ANAPC10: variants seen among roughly 807,000 people sequenced by gnomAD.
ANAPC10 encodes anaphase-promoting complex subunit 10.
A neutral mutation model predicts 22.0 loss-of-function variants in ANAPC10; 12 were observed. That is an observed-to-expected ratio of 0.55 (90% CI 0.35 to 0.88). The LOEUF (loss-of-function observed/expected upper bound fraction) is 0.88. Ranked by LOEUF, ANAPC10 falls within the 40% of genes least tolerant of loss-of-function variation. The pLI is 0.01. For missense variants in ANAPC10, 188 were observed against 220.9 expected, an observed-to-expected ratio of 0.85 and a Z score of 0.94; for synonymous variants, 65 against 69.5, an observed-to-expected ratio of 0.94 and a Z score of 0.32.
At chr4:145,079,879 C>G (rs1342905736) in intron 3 of ANAPC10, among the ~76,000 whole-genome samples, 1 of 151,942 alleles carries the variant, frequency 6.6e-6, no homozygotes, top group African/African-American at 2.4e-5. Flanking sequence ...TTTGGGAGGC[C>G]GAGGCGGCTA....
chr4:145,055,368 C>T (rs866726340), intron 4 of ANAPC10, among the ~76,000 whole-genome samples: 51 of 152,066 alleles, frequency 3.4e-4, no homozygotes, highest in African/African-American at 1.0e-3. Context: ...GACTAGCCTG[C>T]CCAAAATGGT....
At chr4:145,054,595 A>T (rs1741662575) in intron 4 of ANAPC10, among the ~76,000 whole-genome samples, 1 of 139,718 alleles carries the variant, frequency 7.2e-6, no homozygotes, top group Non-Finnish European at 1.5e-5. Flanking sequence ...ATGAGGGGAC[A>T]TACTGAATAG....
At chr4:145,085,310 T>C (rs2126617444) in intron 2 of ANAPC10, among the ~76,000 whole-genome samples, 1 of 152,288 alleles carries the variant, frequency 6.6e-6, no homozygotes, top group South Asian at 2.1e-4. Context: ...TAAAGAGTTA[T>C]AGGTCTTAAC....
At chr4:145,053,639 C>A (rs1032313711) in intron 4 of ANAPC10, 3 of 455,168 alleles carry the variant, frequency 6.6e-6, no homozygotes, top group Admixed American at 4.0e-5. Context: ...AGGAAGAATT[C>A]TCTTAATTCC....
chr4:145,003,411 G>A (rs976399953), intron 4 of ANAPC10, among the ~76,000 whole-genome samples: 1 of 152,084 alleles, frequency 6.6e-6, no homozygotes, highest in Non-Finnish European at 1.5e-5. Context: ...GGAATTTGTG[G>A]GTGAAATGGT....
intron 3 of ANAPC10, among the ~76,000 whole-genome samples, chr4:145,079,938 A>G (rs565003109): frequency 1.3e-5 from 2 of 152,052 alleles, no homozygotes; most frequent in African/African-American, 4.8e-5. Context: ...ACATGGTGAA[A>G]CCTTGTCTCT....
chr4:145,028,465 A>G (rs1321508150), intron 4 of ANAPC10, among the ~76,000 whole-genome samples: 2 of 152,102 alleles, frequency 1.3e-5, no homozygotes, highest in African/African-American at 4.8e-5. Flanking sequence ...TAAGAAACTC[A>G]TATCATATAT....
At chr4:145,016,753 G>T in intron 4 of ANAPC10, among the ~76,000 whole-genome samples, 1 of 152,158 alleles carries the variant, frequency 6.6e-6, no homozygotes, top group East Asian at 1.9e-4. Context: ...AAACAGCATG[G>T]TACTGGTACC....
At chr4:145,070,587 G>A (rs140758408) in intron 3 of ANAPC10, among the ~76,000 whole-genome samples, 8 of 152,276 alleles carry the variant, frequency 5.3e-5, no homozygotes, top group Admixed American at 4.6e-4. Context: ...ACAGTATGGA[G>A]GTGACTCAAA....
intron 4 of ANAPC10, among the ~76,000 whole-genome samples, chr4:145,048,784 T>C (rs1740687900): frequency 6.6e-6 from 1 of 152,152 alleles, no homozygotes; most frequent in Non-Finnish European, 1.5e-5. Context: ...GGAGGAATAG[T>C]CCAAAGATAC....
chr4:145,022,686 T>C (rs1736122918), intron 4 of ANAPC10, among the ~76,000 whole-genome samples: 1 of 151,870 alleles, frequency 6.6e-6, no homozygotes, highest in African/African-American at 2.4e-5. Flanking sequence ...TATATAGGCA[T>C]TCATATATAG....
chr4:145,097,642 G>T (rs1748782430), intron 1 of ANAPC10: 1 of 701,240 alleles, frequency 1.4e-6, no homozygotes, highest in Non-Finnish European at 2.2e-6. Context: ...TTTACTGAAT[G>T]AATAAACAGA....
At chr4:145,029,426 A>G (rs1184117846) in intron 4 of ANAPC10, among the ~76,000 whole-genome samples, 1 of 152,146 alleles carries the variant, frequency 6.6e-6, no homozygotes, top group Non-Finnish European at 1.5e-5. Context: ...GGTGAAGTTG[A>G]GAGTGTGATC....
In ANAPC10 at chr4:144,995,340, G is replaced by T; in HGVS notation, c.*33C>A. 1.4e-6 allele frequency: 2 copies of T among 1,386,814 alleles called. No homozygotes were observed. Among genetic ancestry groups the T allele is most frequent in the Non-Finnish European group, 1.0e-6 (1 of 984,200 alleles). 85.9% of individuals were successfully genotyped at this position (1,386,814 alleles called of 1,614,324 possible). A position where few individuals can be genotyped will look rare whatever the true frequency, so the allele number is the denominator to read the frequency against. ...TTATTTAAATACAGGATAAAACAAA[G>T]ATACGTTTAATGATTTTCGTCTCAT... On this transcript the variant is annotated 3_prime_UTR_variant, in exon 5 of 5. Coordinates refer to ENST00000507656, the MANE Select transcript of ANAPC10 (RefSeq NM_001256706.2).
At chr4:145,057,033 A>G (rs544316708) in intron 4 of ANAPC10, among the ~76,000 whole-genome samples, 70 of 152,228 alleles carry the variant, frequency 4.6e-4, no homozygotes, top group Non-Finnish European at 8.7e-4. Context: ...ACCTTACAGG[A>G]CAATGCTCTT....
chr4:145,023,528 G>T (rs971024839), intron 4 of ANAPC10, among the ~76,000 whole-genome samples: 1 of 152,118 alleles, frequency 6.6e-6, no homozygotes, highest in African/African-American at 2.4e-5. Context: ...TTCTCTCGGG[G>T]AAGGCCCCTG....
Position 145,036,521 on chromosome 4 carries a change from AT to A in ANAPC10, c.327+28050del, listed in dbSNP as rs34873936. 9.8e-3 allele frequency among the ~76,000 whole-genome samples: 1,483 copies of A among 151,924 alleles called. 104 individuals carry two copies. Among genetic ancestry groups the A allele is most frequent in the Admixed American group, 0.086 (1,316 of 15,230 alleles). The stretch of plus-strand genomic sequence containing the variant: ...AGTGCTACTGCAAATATTTCACACT[AT>A]TTTTTTTAAGAGATTGGGGTCTTAC... On this transcript the variant is annotated intron_variant, in intron 4 of 4. Coordinates refer to ENST00000507656, the MANE Select transcript of ANAPC10 (RefSeq NM_001256706.2).
chr4:145,020,661 T>C (rs563042835), intron 4 of ANAPC10, among the ~76,000 whole-genome samples: 2 of 151,972 alleles, frequency 1.3e-5, no homozygotes, highest in Non-Finnish European at 2.9e-5. Flanking sequence ...ACTGACAATA[T>C]AATCGTTTAC....
At chr4:144,995,717 T>C (rs1731510592) in intron 4 of ANAPC10, 114 bp from the exon 5 acceptor site, 2 of 729,476 alleles carry the variant, frequency 2.7e-6, no homozygotes, top group Non-Finnish European at 4.4e-6. Context: ...AACGAAAGAA[T>C]GACAATATGA....
Sources: gnomAD v4.1 joint callset for allele counts (sites outside exome capture counted in the v4.1 genomes callset) on GRCh38, gnomAD v4.1.1 for gene constraint, MANE v1.5 for transcripts, NCBI Gene and HGNC (gene_info 2026-07-23, HGNC 2026-07-21) for gene names.